Variants in DSP observed in about 807,000 individuals in gnomAD.
DSP encodes the protein 250/210 kDa paraneoplastic pemphigus antigen.
Under a neutral mutation model 290.6 loss-of-function variants are expected in DSP, and 114 were observed. That is an observed-to-expected ratio of 0.39 (90% confidence interval 0.34 to 0.46). The LOEUF (loss-of-function observed/expected upper bound fraction) is 0.46, where lower values mean the gene tolerates loss of function less well. DSP is among the 20% of genes least tolerant of loss of function. DSP has a pLI of 0.99. For synonymous variants in DSP, 1,311 were observed against 1,316.4 expected (o/e 1.00, Z 0.09); for missense variants, 3,230 against 3,495.8 (o/e 0.92, Z 1.92).
intron 13 of DSP, 146 bp downstream of exon 13, chr6:7,570,709 C>A: frequency 1.8e-6 from 2 of 1,130,598 alleles, no homozygotes; most frequent in Non-Finnish European, 2.5e-6. Context: ...CTTAGAGGTT[C>A]TGGTCTGTCC....
In DSP at chr6:7,581,061, T is replaced by C. The variant is rs771250599; in HGVS notation, c.4871T>C (p.Ile1624Thr). Reference protein sequence around the residue: ...NLTQQLEQASIVKKRSEDDLR... With the variant: ...NLTQQLEQASTVKKRSEDDLR... ...ACCCAGCAGCTGGAGCAGGCATCCA[T>C]TGTTAAGAAGAGGAGTGAGGATGAC... Residue 1624 changes from isoleucine (I) to threonine (T), a missense_variant, in exon 23 of 24, where the codon ATT (isoleucine) becomes ACT (threonine). Transcript: ENST00000379802. The C allele has an allele frequency of 2.5e-6, 4 of 1,613,870 alleles. No individual in the cohort carries two copies. Among genetic ancestry groups the C allele is most frequent in the Non-Finnish European group, 3.4e-6 (4 of 1,179,992 alleles).
rs758161020 is a variant in DSP, at chr6:7,577,025, T to C, written c.2860T>C (p.Cys954Arg). 2 of 1,611,756 alleles carry C rather than the reference T, an allele frequency of 1.2e-6. No homozygotes were observed. Among genetic ancestry groups the C allele is most frequent in the East Asian group, 2.2e-5 (1 of 44,816 alleles). The change falls in exon 20 of 24, where the codon TGC (cysteine) becomes CGC (arginine). Residue 954 changes from cysteine (C) to arginine (R), a missense_variant. Coordinates refer to ENST00000379802, the MANE Select transcript of DSP (RefSeq NM_004415.4). ...SEEVQKIAEL[C>R]ANSIKDYELQ... ...GGAAGTACAAAAAATTGCTGAACTT[T>C]GCGCCAATTCAATTAAGGTATGTTG... is the stretch of plus-strand genomic sequence containing the variant.
chr6:7,563,605 A>C, intron 5 of DSP, 131 bp from the exon 6 acceptor site: 1 of 796,974 alleles, frequency 1.3e-6, no homozygotes, highest in Non-Finnish European at 2.2e-6. Flanking sequence ...TATCTCATAG[A>C]GCTAGTAATT....
intron 1 of DSP, among the ~76,000 whole-genome samples, chr6:7,551,715 A>G (rs1015710114): frequency 6.6e-6 from 1 of 152,022 alleles, no homozygotes; most frequent in Admixed American, 6.5e-5. Context: ...CAGCTGGTGT[A>G]TGTCTGACAT....
chr6:7,574,512 C>A, intron 16 of DSP, 145 bp from the exon 17 acceptor site: 1 of 1,207,222 alleles, frequency 8.3e-7, no homozygotes, highest in Non-Finnish European at 1.2e-6. Flanking sequence ...AAATGTTGGT[C>A]TGAATCACAA....
chr6:7,582,618 C>T lies in DSP; in HGVS notation c.5380-24C>T. On this transcript the variant is annotated intron_variant, in intron 23 of 23. Transcript: ENST00000379802. The surrounding 1 kb of genome is among the most constrained non-coding windows in gnomAD (Gnocchi z 4.2). ...TATGATTCAAAACATTATTTTTTCC[C>T]ATTTCTTTCTTCTTCAATTCCAGGC... 1 of 1,584,612 alleles carries T rather than the reference C, an allele frequency of 6.3e-7. No homozygotes were observed. The highest frequency in any genetic ancestry group is 8.7e-7 in the Non-Finnish European group (1 of 1,153,692).
intron 1 of DSP, among the ~76,000 whole-genome samples, chr6:7,543,225 G>C (rs867774143): frequency 3.9e-5 from 6 of 152,070 alleles, no homozygotes; most frequent in South Asian, 4.1e-4. Flanking sequence ...GCGCCGGGAC[G>C]TTATTTACCA....
chr6:7,567,043 G>C (rs1758884405), intron 8 of DSP, among the ~76,000 whole-genome samples: 3 of 152,318 alleles, frequency 2.0e-5, no homozygotes, highest in Admixed American at 2.0e-4. Flanking sequence ...GTGTGGCAAA[G>C]GGATGCCACT....
chr6:7,569,346 T>G lies in DSP; in HGVS notation c.1574+6T>G. ...GCCGTGGACCTCTCTTGCAAGTAAG[T>G]CATCCAAGTTCCCAAAGCCACGCAT... On this transcript the variant is annotated splice_donor_region_variant and intron_variant, in intron 12 of 23. Coordinates refer to ENST00000379802, the MANE Select transcript of DSP (RefSeq NM_004415.4). The G allele has an allele frequency of 6.2e-7, 1 of 1,614,102 alleles. No homozygotes were observed. Among genetic ancestry groups the G allele is most frequent in the South Asian group, 1.1e-5 (1 of 91,078 alleles).
rs1759498186 is a variant in DSP, at chr6:7,583,069, A to T, written c.5807A>T (p.Gln1936Leu). Residue 1936 changes from glutamine (Q) to leucine (L), a missense_variant, in exon 24 of 24, where the codon CAG (glutamine) becomes CTG (leucine). By Grantham distance (113) the Gln-to-Leu change is moderately radical (BLOSUM62 -2). This residue lies in a region of DSP where 1,714 missense variants were observed against 1,844.5 expected (regional missense o/e 0.93). Coordinates refer to ENST00000379802, the MANE Select transcript of DSP (RefSeq NM_004415.4). This position sits in a 1 kb window ranked among gnomAD's most constrained non-coding sequence, Gnocchi z 4.0. ...SQLETERSRY[Q>L]REIDKLRQRP... Reference sequence around the variant, plus strand: ...TTAGAAACAGAACGCTCCCGATATCAGAGGGAGATTGATAAACTCAGACAG... The same window carrying T: ...TTAGAAACAGAACGCTCCCGATATCTGAGGGAGATTGATAAACTCAGACAG... The T allele has an allele frequency of 6.2e-7, 1 of 1,614,120 alleles. No homozygotes were observed. Among genetic ancestry groups the T allele is most frequent in the South Asian group, 1.1e-5 (1 of 91,064 alleles).
At position 7,571,391 on chromosome 6, in the gene DSP, A is replaced by G. The variant is rs1429455523; in HGVS notation, c.1710A>G (p.Thr570=). ...IRAMTIAKLK[T]MRQEDYMKTI... is the part of the protein sequence containing the mutation. ...TGCCTGTCTCCTTTCAGCTGAAAAC[A>G]ATGCGGCAGGAAGATTACATGAAGA... Residue 570 remains threonine (T), a synonymous_variant, in exon 14 of 24, where the codon ACA becomes ACG. Transcript: ENST00000379802. 1 of 1,614,206 alleles carries G rather than the reference A, an allele frequency of 6.2e-7. No individual in the cohort carries two copies. Among genetic ancestry groups the G allele is most frequent in the Non-Finnish European group, 8.5e-7 (1 of 1,180,038 alleles).
chr6:7,552,681 T>G (rs972058814), intron 1 of DSP, among the ~76,000 whole-genome samples: 7 of 148,772 alleles, frequency 4.7e-5, no homozygotes, highest in Non-Finnish European at 1.0e-4. Flanking sequence ...TTTTTTTAAG[T>G]TCAAATATGG....
At position 7,575,446 on chromosome 6, in the gene DSP, T is replaced by C. The variant is rs1357944906; in HGVS notation, c.2588T>C (p.Leu863Pro). The change falls in exon 18 of 24, where the codon CTG becomes CCG. Residue 863 changes from leucine (L) to proline (P), a missense_variant. Physicochemically the swap from Leu to Pro is moderately conservative, Grantham distance 98 (BLOSUM62 -3). Around this residue, in one of 5 missense-constraint regions of DSP, gnomAD observed 1,714 missense variants for 1,844.5 expected, o/e 0.93. Coordinates refer to ENST00000379802, the MANE Select transcript of DSP (RefSeq NM_004415.4). ...LGKFGEKVTQ[L>P]TDRWQRIDKQ... ...AAGTTCGGTGAAAAAGTCACACAGCTGACAGACCGCTGGCAAAGGATAGAT... is the reference window on the plus strand; with the variant it reads ...AAGTTCGGTGAAAAAGTCACACAGCCGACAGACCGCTGGCAAAGGATAGAT... 1 of 1,614,116 alleles carries C rather than the reference T, an allele frequency of 6.2e-7. No homozygotes were observed. Among genetic ancestry groups the C allele is most frequent in the Non-Finnish European group, 8.5e-7 (1 of 1,180,042 alleles).
intron 2 of DSP, among the ~76,000 whole-genome samples, chr6:7,557,669 G>C (rs1581792330): frequency 6.6e-6 from 1 of 152,070 alleles, no homozygotes; most frequent in East Asian, 1.9e-4. Flanking sequence ...AACAGAGCAA[G>C]GCTCTGTCTC....
chr6:7,577,805 C>T lies in DSP; in HGVS notation c.2904C>T (p.Tyr968=), dbSNP rs1241595798. 4 of 1,614,152 alleles carry T rather than the reference C, an allele frequency of 2.5e-6. No homozygotes were observed. Among genetic ancestry groups the T allele is most frequent in the Admixed American group, 1.7e-5 (1 of 60,030 alleles). Residue 968 remains tyrosine (Y), a synonymous_variant, in exon 21 of 24, where the codon TAC becomes TAT. Transcript: ENST00000379802. Reference sequence around the variant, plus strand: ...ATTATGAGCTCCAGCTGGCCTCATACACCTCAGGACTGGAAACTCTGCTGA... The same window carrying T: ...ATTATGAGCTCCAGCTGGCCTCATATACCTCAGGACTGGAAACTCTGCTGA... ...IKDYELQLAS[Y]TSGLETLLNI... is the part of the protein sequence containing the mutation.
Position 7,580,133 on chromosome 6 carries a change from G to A in DSP, c.3943G>A (p.Glu1315Lys). Residue 1315 changes from glutamate (E) to lysine (K), a missense_variant, in exon 23 of 24, where the codon GAG (glutamate) becomes AAG (lysine). Around this residue, in one of 5 missense-constraint regions of DSP, gnomAD observed 1,714 missense variants for 1,844.5 expected, o/e 0.93. Transcript: ENST00000379802. The surrounding 1 kb of genome is among the most constrained non-coding windows in gnomAD (Gnocchi z 4.2). Reference protein sequence around the residue: ...DNARHKQSLEEAAKTIQDKNK... With the variant: ...DNARHKQSLEKAAKTIQDKNK... ...TGCCCGGCACAAGCAGTCCCTGGAG[G>A]AGGCTGCCAAGACCATTCAGGACAA... is the stretch of plus-strand genomic sequence containing the variant. The A allele has an allele frequency of 6.2e-7, 1 of 1,614,112 alleles. No homozygotes were observed. The highest frequency in any genetic ancestry group is 8.5e-7 in the Non-Finnish European group (1 of 1,180,002).
Position 7,567,841 on chromosome 6 carries a change from A to G in DSP, c.1201A>G (p.Lys401Glu). ...YLKGLQDSIR[K>E]KYPCDKNMPL... is the part of the protein sequence containing the mutation. ...GAAGGGGCTCCAGGACTCCATCAGG[A>G]AGAAGTACCCCTGCGACAAGAACAT... The change falls in exon 10 of 24, where the codon AAG becomes GAG. Residue 401 changes from lysine to glutamate, a missense_variant. By Grantham distance (56) the Lys-to-Glu change is moderately conservative. Transcript: ENST00000379802. 6.2e-7 allele frequency: 1 copy of G among 1,614,116 alleles called. No homozygotes were observed. The highest frequency in any genetic ancestry group is 1.7e-5 in the Admixed American group (1 of 60,022).
chr6:7,585,323 G>C lies in DSP; in HGVS notation c.8061G>C (p.Arg2687Ser). ...TGATTGACCAAGACATGGCCACCAG[G>C]CTGAAGCCTGCTCAGAAAGCCTTCA... ...QGVIDQDMATRLKPAQKAFIG... is the reference protein window; with the variant it reads ...QGVIDQDMATSLKPAQKAFIG... The change falls in exon 24 of 24, where the codon AGG becomes AGC. Residue 2687 changes from arginine to serine, a missense_variant. Around this residue, in one of 5 missense-constraint regions of DSP, gnomAD observed 582 missense variants for 555.4 expected, o/e 1.05. Coordinates refer to ENST00000379802, the MANE Select transcript of DSP (RefSeq NM_004415.4). The C allele has an allele frequency of 6.2e-7, 1 of 1,614,164 alleles. No individual in the cohort carries two copies. Among genetic ancestry groups the C allele is most frequent in the South Asian group, 1.1e-5 (1 of 91,076 alleles).
intron 1 of DSP, among the ~76,000 whole-genome samples, chr6:7,548,821 G>T (rs1340830153): frequency 6.6e-6 from 1 of 152,152 alleles, no homozygotes; most frequent in Non-Finnish European, 1.5e-5. Flanking sequence ...AATGAGATGA[G>T]CCATAATACC....
Sources: allele counts gnomAD v4.1 joint callset (sites outside exome capture counted in the v4.1 genomes callset), GRCh38; gene constraint gnomAD v4.1.1; regional missense constraint gnomAD v4.1.1; non-coding constraint Gnocchi (gnomAD v3.1); transcripts MANE v1.5; gene names NCBI Gene and HGNC (gene_info 2026-07-23, HGNC 2026-07-21).